KCTD16: variants seen among roughly 807,000 people sequenced by gnomAD.
KCTD16 encodes potassium channel tetramerization domain containing 16.
Under a neutral mutation model 33.2 loss-of-function variants are expected in KCTD16, and 13 were observed. The observed-to-expected ratio is 0.39, with a 90% CI of 0.25 to 0.62. KCTD16 has a LOEUF of 0.62. Among genes scored for constraint, KCTD16 ranks in the 20% least tolerant of loss-of-function variants. KCTD16 has a pLI of 0.50. For missense variants in KCTD16, 441 were observed against 525.1 expected, an observed-to-expected ratio of 0.84 and a Z score of 1.57; for synonymous variants, 197 against 195.3, an observed-to-expected ratio of 1.01 and a Z score of -0.07.
At chr5:144,436,374 A>G (rs556571560) in intron 3 of KCTD16, among the ~76,000 whole-genome samples, 21 of 152,158 alleles carry the variant, frequency 1.4e-4, no homozygotes, top group Middle Eastern at 3.4e-3. Flanking sequence ...CCTGTAAAAC[A>G]CTGTTCACTT....
chr5:144,311,221 C>A (rs1013866794), intron 3 of KCTD16, among the ~76,000 whole-genome samples: 1 of 152,106 alleles, frequency 6.6e-6, no homozygotes, highest in African/African-American at 2.4e-5. Flanking sequence ...TAACAGGGCA[C>A]ATGTATACAT....
intron 3 of KCTD16, among the ~76,000 whole-genome samples, chr5:144,235,975 A>C (rs543638470): frequency 1.3e-5 from 2 of 152,116 alleles, no homozygotes; most frequent in East Asian, 3.9e-4. Context: ...GTTTATACGT[A>C]AGGGTCATTG....
At chr5:144,471,770 G>A (rs1336658001) in intron 3 of KCTD16, among the ~76,000 whole-genome samples, 2 of 152,150 alleles carry the variant, frequency 1.3e-5, no homozygotes, top group Non-Finnish European at 2.9e-5. Flanking sequence ...GAACAATACA[G>A]CTGTTGTGAT....
At chr5:144,470,605 C>T (rs1472690828) in intron 3 of KCTD16, among the ~76,000 whole-genome samples, 1 of 152,194 alleles carries the variant, frequency 6.6e-6, no homozygotes, top group Non-Finnish European at 1.5e-5. Flanking sequence ...CAAATGTTCT[C>T]ATAAAATCTG....
chr5:144,337,570 G>A (rs1203255778), intron 3 of KCTD16, among the ~76,000 whole-genome samples: 1 of 152,082 alleles, frequency 6.6e-6, no homozygotes, highest in Admixed American at 6.5e-5. Flanking sequence ...ATTGTTTATA[G>A]TCTTATATAT....
chr5:144,365,738 A>C (rs1026832584), intron 3 of KCTD16, among the ~76,000 whole-genome samples: 1 of 152,122 alleles, frequency 6.6e-6, no homozygotes. Context: ...TGGACAACTC[A>C]GTAAAGGATT....
intron 3 of KCTD16, among the ~76,000 whole-genome samples, chr5:144,467,325 A>C (rs1754370051): frequency 6.6e-6 from 1 of 151,872 alleles, no homozygotes; most frequent in Non-Finnish European, 1.5e-5. Flanking sequence ...TGTCACACAC[A>C]CATTCACACA....
intron 3 of KCTD16, among the ~76,000 whole-genome samples, chr5:144,392,831 C>G (rs899548051): frequency 6.6e-6 from 1 of 152,150 alleles, no homozygotes; most frequent in Non-Finnish European, 1.5e-5. Flanking sequence ...CACATGCGCA[C>G]GTGAAGCCTC....
intron 3 of KCTD16, among the ~76,000 whole-genome samples, chr5:144,422,304 G>A (rs925087812): frequency 6.6e-6 from 1 of 152,144 alleles, no homozygotes; most frequent in Non-Finnish European, 1.5e-5. Context: ...GTTTGATTGT[G>A]TGTTGATTTG....
At chr5:144,365,023 AT>A (rs11325209) in intron 3 of KCTD16, among the ~76,000 whole-genome samples, 101,297 of 146,434 alleles carry the variant, frequency 0.69, 35,762 homozygotes, top group African/African-American at 0.9. Flanking sequence ...GCAAATCCTC[AT>A]TTTTTTTTTT....
At chr5:144,196,129 T>C (rs1352335314) in intron 2 of KCTD16, among the ~76,000 whole-genome samples, 1 of 152,166 alleles carries the variant, frequency 6.6e-6, no homozygotes, top group African/African-American at 2.4e-5. Flanking sequence ...GGCCAAAACA[T>C]TTTAAAGGAG....
intron 3 of KCTD16, among the ~76,000 whole-genome samples, chr5:144,235,082 A>G (rs577241538): frequency 1.3e-5 from 2 of 152,248 alleles, no homozygotes; most frequent in African/African-American, 2.4e-5. Context: ...TTTCTACCCA[A>G]TGAAAATACA....
At chr5:144,472,726 T>C (rs1279685780) in intron 3 of KCTD16, among the ~76,000 whole-genome samples, 2 of 152,204 alleles carry the variant, frequency 1.3e-5, no homozygotes, top group South Asian at 4.1e-4. Flanking sequence ...ATATGATATA[T>C]AACAAAATGT....
chr5:144,236,873 G>A (rs1754268592), intron 3 of KCTD16, among the ~76,000 whole-genome samples: 2 of 152,052 alleles, frequency 1.3e-5, no homozygotes, highest in African/African-American at 2.4e-5. Context: ...GCTTTGGGCT[G>A]GGTGATCTTG....
chr5:144,233,208 TA>T (rs1250886977), intron 3 of KCTD16, among the ~76,000 whole-genome samples: 3 of 151,836 alleles, frequency 2.0e-5, no homozygotes, highest in Admixed American at 6.6e-5. Flanking sequence ...AACTGTTAAA[TA>T]AAAAAAGGGT....
chr5:144,369,762 A>T (rs1339326721), intron 3 of KCTD16, among the ~76,000 whole-genome samples: 1 of 152,170 alleles, frequency 6.6e-6, no homozygotes, highest in African/African-American at 2.4e-5. Context: ...GCTTTAATAC[A>T]GCATTTCCCA....
At chr5:144,342,380 T>C (rs1170764539) in intron 3 of KCTD16, among the ~76,000 whole-genome samples, 2 of 152,236 alleles carry the variant, frequency 1.3e-5, no homozygotes, top group Non-Finnish European at 2.9e-5. Flanking sequence ...TCTGTTTGTC[T>C]GTTATTGGTG....
intron 3 of KCTD16, among the ~76,000 whole-genome samples, chr5:144,304,229 G>A (rs1751526699): frequency 6.6e-6 from 1 of 152,216 alleles, no homozygotes; most frequent in Non-Finnish European, 1.5e-5. Context: ...CAAGTTGACT[G>A]CGATGAGCCA....
chr5:144,326,470 A>C (rs1752211169), intron 3 of KCTD16, among the ~76,000 whole-genome samples: 1 of 152,196 alleles, frequency 6.6e-6, no homozygotes, highest in Non-Finnish European at 1.5e-5. Flanking sequence ...ATATTTTGCC[A>C]TCTGCCTTAT....
Sources: gnomAD v4.1 joint callset for allele counts (sites outside exome capture counted in the v4.1 genomes callset) on GRCh38, gnomAD v4.1.1 for gene constraint, MANE v1.5 for transcripts, NCBI Gene and HGNC (gene_info 2026-07-23, HGNC 2026-07-21) for gene names.